RELB: variants seen among roughly 807,000 people sequenced by gnomAD.
The protein encoded by RELB is RELB proto-oncogene, NF-kB subunit, also known as transcription factor RelB.
A neutral mutation model predicts 55.4 loss-of-function variants in RELB; 14 were observed. The ratio of observed to expected loss-of-function variants is 0.25; its 90% CI spans 0.17 to 0.40. The LOEUF is 0.40. Among genes scored for constraint, RELB ranks in the 10% least tolerant of loss-of-function variants. The pLI is 1.00. For synonymous variants in RELB, 409 were observed against 371.3 expected (o/e 1.10, Z -1.17); for missense variants, 669 against 830.7 (o/e 0.81, Z 2.39).
In RELB at chr19:45,032,548, G is replaced by C. The variant is rs770622333; in HGVS notation, c.1006G>C (p.Val336Leu). 1 of 1,612,652 alleles carries C rather than the reference G, an allele frequency of 6.2e-7. No individual in the cohort carries two copies. The highest frequency in any genetic ancestry group is 8.5e-7 in the Non-Finnish European group (1 of 1,179,426). Residue 336 changes from valine to leucine, a missense_variant, in exon 9 of 12, where the codon GTG becomes CTG. Physicochemically the swap from Val to Leu is conservative, Grantham distance 32. Coordinates refer to ENST00000221452, the MANE Select transcript of RELB (RefSeq NM_006509.4). ...DKVQKEDISV[V>L]FSRASWEGRA... ...TTTCCTGCCAGAGGACATATCAGTG[G>C]TGTTCAGCAGGGCCTCCTGGGAAGG...
Position 45,032,664 on chromosome 19 carries a change from C to T in RELB, c.1122C>T (p.Pro374=), listed in dbSNP as rs771520600. ...ACGAGGACCTGGAGATTGTCGAGCC[C>T]GTGACAGTCAACGTCTTCCTGCAGC... ...PPYEDLEIVE[P]VTVNVFLQRL... The change falls in exon 9 of 12, where the codon CCC becomes CCT. Residue 374 remains proline, a synonymous_variant. Coordinates refer to ENST00000221452, the MANE Select transcript of RELB (RefSeq NM_006509.4). The T allele has an allele frequency of 2.6e-5, 42 of 1,611,710 alleles. No individual in the cohort carries two copies. The highest frequency in any genetic ancestry group is 6.7e-5 in the East Asian group (3 of 44,798).
intron 2 of RELB, chr19:45,003,670 G>A: frequency 2.0e-6 from 1 of 505,922 alleles, no homozygotes; most frequent in Admixed American, 2.1e-5. Context: ...CCCAGTTCAG[G>A]CCTCAGTTTT....
chr19:45,012,219 C>G lies in RELB; in HGVS notation c.447C>G (p.Ala149=), dbSNP rs774233582. ...RFRYECEGRS[A]GSILGESSTE... is the part of the protein sequence containing the mutation. ...GCTACGAGTGCGAGGGCCGCTCGGC[C>G]GGCAGCATCCTTGGGGAGAGCAGCA... The change falls in exon 4 of 12, where the codon GCC becomes GCG. Residue 149 remains alanine, a synonymous_variant. Transcript: ENST00000221452. The G allele has an allele frequency of 6.7e-7, 1 of 1,492,778 alleles. No individual in the cohort carries two copies. The highest frequency in any genetic ancestry group is 2.5e-5 in the Admixed American group (1 of 39,936). The allele number at this position is 1,492,778 out of a possible 1,614,324, so 92.5% of individuals were successfully genotyped here. A position where few individuals can be genotyped will look rare whatever the true frequency, so the allele number is the denominator to read the frequency against.
In RELB at chr19:45,038,159, CAG is replaced by C. The variant is rs1361456668; in HGVS notation, c.*372_*373del. On this transcript the variant is annotated 3_prime_UTR_variant, in exon 12 of 12. Transcript: ENST00000221452. ...GAAGGTGGGGGGTAGGTTGGTTGTT[CAG>C]AGTCTTCCCAATAAAGATGAGTTTT... The C allele has an allele frequency of 5.0e-6, 1 of 200,176 alleles. No individual in the cohort carries two copies. Among genetic ancestry groups the C allele is most frequent in the African/African-American group, 2.3e-5 (1 of 43,430 alleles). The allele number at this position is 200,176 out of a possible 1,614,324, so 12.4% of individuals were successfully genotyped here.
chr19:45,013,386 A>G (rs1971385534), intron 4 of RELB, among the ~76,000 whole-genome samples: 1 of 151,956 alleles, frequency 6.6e-6, no homozygotes, highest in Non-Finnish European at 1.5e-5. Flanking sequence ...AGTGATCCGC[A>G]TGCCTTGGCC....
In RELB at chr19:45,032,722, C is replaced by T. The variant is rs377464997; in HGVS notation, c.1180C>T (p.Pro394Ser). ...LTDGVCSEPL[P>S]FTYLPRDHDS... ...CGATGGGGTCTGCAGCGAGCCATTGCCTTTCACGTACCTGCCTCGCGACCA... is the reference window on the plus strand; with the variant it reads ...CGATGGGGTCTGCAGCGAGCCATTGTCTTTCACGTACCTGCCTCGCGACCA... Residue 394 changes from proline to serine, a missense_variant, in exon 9 of 12, where the codon CCT (proline) becomes TCT (serine). Transcript: ENST00000221452. 10 of 1,608,886 alleles carry T rather than the reference C, an allele frequency of 6.2e-6. No individual in the cohort carries two copies. The highest frequency in any genetic ancestry group is 8.5e-6 in the Non-Finnish European group (10 of 1,177,742).
intron 9 of RELB, 58 bp from the exon 10 acceptor site, chr19:45,034,186 A>G: frequency 8.4e-7 from 1 of 1,193,394 alleles, no homozygotes; most frequent in South Asian, 1.3e-5. Context: ...AAATAAATAA[A>G]GGAATTAATT....
At position 45,032,522 on chromosome 19, in the gene RELB, G is replaced by A. The variant is rs369508361; in HGVS notation, c.992-12G>A. The A allele has an allele frequency of 3.1e-5, 49 of 1,605,878 alleles. No homozygotes were observed. Among genetic ancestry groups the A allele is most frequent in the Admixed American group, 8.5e-5 (5 of 58,922 alleles). ...TGTCCTGGCTTAGCTGATGTCCCCCGTTTCCTGCCAGAGGACATATCAGTG... is the reference window on the plus strand; with the variant it reads ...TGTCCTGGCTTAGCTGATGTCCCCCATTTCCTGCCAGAGGACATATCAGTG... On this transcript the variant is annotated splice_polypyrimidine_tract_variant and intron_variant, in intron 8 of 11. Coordinates refer to ENST00000221452, the MANE Select transcript of RELB (RefSeq NM_006509.4).
At chr19:45,005,267 C>T (rs1051725832) in intron 2 of RELB, among the ~76,000 whole-genome samples, 1 of 152,178 alleles carries the variant, frequency 6.6e-6, no homozygotes, top group Non-Finnish European at 1.5e-5. Context: ...TTAGCAAGCT[C>T]CCAAGAGATG....
At chr19:45,030,322 T>C (rs1971605850) in intron 8 of RELB, among the ~76,000 whole-genome samples, 1 of 152,082 alleles carries the variant, frequency 6.6e-6, no homozygotes, top group South Asian at 2.1e-4. Context: ...AAAAAAGTTC[T>C]TTTTAATTAA....
intron 1 of RELB, 105 bp from the exon 2 acceptor site, chr19:45,002,844 C>T: frequency 1.1e-6 from 1 of 927,726 alleles, no homozygotes; most frequent in Non-Finnish European, 1.7e-6. Context: ...GGGCCTGATC[C>T]AGAGGGGAAG....
In RELB at chr19:45,022,203, C is replaced by T. The variant is rs746807175; in HGVS notation, c.655C>T (p.Arg219Trp). 2.5e-6 allele frequency: 4 copies of T among 1,598,980 alleles called. No homozygotes were observed. Among genetic ancestry groups the T allele is most frequent in the African/African-American group, 1.3e-5 (1 of 74,650 alleles). The change falls in exon 5 of 12, where the codon CGG becomes TGG. Residue 219 changes from arginine (R) to tryptophan (W), a missense_variant. Physicochemically the swap from Arg to Trp is moderately radical, Grantham distance 101. Coordinates refer to ENST00000221452, the MANE Select transcript of RELB (RefSeq NM_006509.4). ...RVRLRPHVSP[R>W]HSFNNLGIQC... ...GCGGCTCCGGCCTCACGTCAGCCCCCGGCACAGGTACCCACCCCCTGACCT... is the reference window on the plus strand; with the variant it reads ...GCGGCTCCGGCCTCACGTCAGCCCCTGGCACAGGTACCCACCCCCTGACCT...
At chr19:45,031,285 G>A (rs1454434864) in intron 8 of RELB, among the ~76,000 whole-genome samples, 1 of 151,944 alleles carries the variant, frequency 6.6e-6, no homozygotes, top group Non-Finnish European at 1.5e-5. Flanking sequence ...CACCATGCCT[G>A]GCTAATTTTT....
chr19:45,037,833 G>A lies in RELB; in HGVS notation c.*43G>A. The A allele has an allele frequency of 6.8e-7, 1 of 1,467,786 alleles. No individual in the cohort carries two copies. Among genetic ancestry groups the A allele is most frequent in the Non-Finnish European group, 9.0e-7 (1 of 1,114,688 alleles). The allele number at this position is 1,467,786 out of a possible 1,614,324, so 90.9% of individuals were successfully genotyped here. A position where few individuals can be genotyped will look rare whatever the true frequency, so the allele number is the denominator to read the frequency against. On this transcript the variant is annotated 3_prime_UTR_variant, in exon 12 of 12. Transcript: ENST00000221452. ...AGGGGCACTGGGTGGGGAGGGAGGT[G>A]GAGGAGCCGTGCAATCCCAACCAGG...
chr19:45,032,443 T>G, intron 8 of RELB, 91 bp from the exon 9 acceptor site: 2 of 1,055,426 alleles, frequency 1.9e-6, no homozygotes, highest in Non-Finnish European at 2.8e-6. Flanking sequence ...AAAGGGGGAA[T>G]ATTAGTCTTG....
In RELB at chr19:45,020,037, C is replaced by T. The variant is rs1253950105; in HGVS notation, c.505-2016C>T. Among the ~76,000 whole-genome samples the T allele has an allele frequency of 4.0e-5, 6 of 151,890 alleles. No individual in the cohort carries two copies. In the South Asian group the frequency reaches 6.2e-4, roughly 16 times the overall value. ...CCTCCCAAAGCGTCGGGATTACAGG[C>T]GTGAGCCACTGTGCGCAGCCCTTCT... On this transcript the variant is annotated intron_variant, in intron 4 of 11. Coordinates refer to ENST00000221452, the MANE Select transcript of RELB (RefSeq NM_006509.4).
At chr19:45,022,031 A>T (rs1272951619) in intron 4 of RELB, 22 bp from the exon 5 acceptor site, 1 of 1,594,564 alleles carries the variant, frequency 6.3e-7, no homozygotes, top group East Asian at 2.3e-5. Flanking sequence ...GGGACCCCCA[A>T]AGAGGACTTC....
In RELB at chr19:45,003,915, G is replaced by GTTTTTTTTTTTTTT. The variant is rs1039624578; in HGVS notation, c.154+932_154+945dup. Among the ~76,000 whole-genome samples, 35 of 63,574 alleles carry GTTTTTTTTTTTTTT rather than the reference G, an allele frequency of 5.5e-4. 4 individuals are homozygous for GTTTTTTTTTTTTTT. Among genetic ancestry groups the GTTTTTTTTTTTTTT allele is most frequent in the East Asian group, 1.8e-3 (3 of 1,646 alleles). The allele number at this position is 63,574 out of a possible 152,430, so 41.7% of individuals were successfully genotyped here. A position where few individuals can be genotyped will look rare whatever the true frequency, so the allele number is the denominator to read the frequency against. ...TGGGTTTTTTTTGTCTGTTTTTTGT[G>GTTTTTTTTTTTTTT]TTTTTTTTTTTTTTTTTTTTTTTTT... is the stretch of plus-strand genomic sequence containing the variant. On this transcript the variant is annotated intron_variant, in intron 2 of 11. Transcript: ENST00000221452.
intron 5 of RELB, 146 bp from the exon 6 acceptor site, chr19:45,025,183 G>A (rs1362721215): frequency 2.6e-5 from 17 of 645,866 alleles, no homozygotes; most frequent in East Asian, 8.2e-5. Flanking sequence ...ACCCCAGACC[G>A]TTTCTAATGC....
Sources: gnomAD v4.1 joint callset for allele counts (sites outside exome capture counted in the v4.1 genomes callset) on GRCh38, gnomAD v4.1.1 for gene constraint, MANE v1.5 for transcripts, NCBI Gene and HGNC (gene_info 2026-07-23, HGNC 2026-07-21) for gene names.